The following DYNLRB1 variants were observed in gnomAD, a reference collection of about 807,000 sequenced individuals.
DYNLRB1 encodes dynein light chain roadblock-type 1.
In DYNLRB1, 6 loss-of-function variants were observed where a neutral mutation model predicts 13.5. That is an observed-to-expected ratio of 0.44 (90% CI 0.24 to 0.88). The LOEUF (loss-of-function observed/expected upper bound fraction) is 0.88. Among genes scored for constraint, DYNLRB1 ranks in the 40% least tolerant of loss-of-function variants. DYNLRB1 has a pLI of 0.21. For missense variants in DYNLRB1, 93 were observed against 127.2 expected (o/e 0.73, Z 1.29); for synonymous variants, 43 against 45.0 (o/e 0.96, Z 0.18).
At chr20:34,536,955 A>T (rs540124207) in intron 3 of DYNLRB1, among the ~76,000 whole-genome samples, 1 of 152,160 alleles carries the variant, frequency 6.6e-6, no homozygotes, top group African/African-American at 2.4e-5. Context: ...GGACAGTGTC[A>T]TCTGAAAGCT....
chr20:34,536,329 C>A, intron 3 of DYNLRB1: 1 of 985,358 alleles, frequency 1.0e-6, no homozygotes, highest in African/African-American at 1.7e-5. Flanking sequence ...TGTCCTGAGC[C>A]ACCCTGCCTG....
rs1044544489 is a variant in DYNLRB1 at position 34,540,781 on chromosome 20, A to G, written c.*157A>G. ...GGCTGGCGGCTCTTCTCCCCCACCA[A>G]CGGAACCCCTGTGTGCACCAACCTT... On this transcript the variant is annotated 3_prime_UTR_variant, in exon 4 of 4. Coordinates refer to ENST00000357156, the MANE Select transcript of DYNLRB1 (RefSeq NM_014183.4). The G allele has an allele frequency of 2.2e-5, 15 of 695,798 alleles. No homozygotes were observed. The highest frequency in any genetic ancestry group is 9.4e-5 in the Admixed American group (3 of 32,082). The allele number at this position is 695,798 out of a possible 1,614,324, so 43.1% of individuals were successfully genotyped here. A position where few individuals can be genotyped will look rare whatever the true frequency, so the allele number is the denominator to read the frequency against.
At chr20:34,529,955 A>C in intron 2 of DYNLRB1, 1 of 1,407,282 alleles carries the variant, frequency 7.1e-7, no homozygotes, top group South Asian at 1.5e-5. Context: ...TCCCCGCTTC[A>C]GCCCTCAACT....
intron 1 of DYNLRB1, among the ~76,000 whole-genome samples, chr20:34,524,881 G>A (rs1980063479): frequency 6.6e-6 from 1 of 151,970 alleles, no homozygotes; most frequent in Non-Finnish European, 1.5e-5. Flanking sequence ...CCGCCACTAC[G>A]CCCGGCTAAT....
chr20:34,522,906 C>T (rs1293320114), intron 1 of DYNLRB1, among the ~76,000 whole-genome samples: 1 of 152,150 alleles, frequency 6.6e-6, no homozygotes, highest in African/African-American at 2.4e-5. Flanking sequence ...AGGTTGATTT[C>T]GTGAAACATA....
At chr20:34,521,812 C>T (rs1979744265) in intron 1 of DYNLRB1, among the ~76,000 whole-genome samples, 1 of 152,086 alleles carries the variant, frequency 6.6e-6, no homozygotes, top group Non-Finnish European at 1.5e-5. Context: ...TTTGGGAGGC[C>T]AAGGCAGTAG....
At chr20:34,517,627 C>CT (rs60155819) in intron 1 of DYNLRB1, among the ~76,000 whole-genome samples, 44,149 of 120,414 alleles carry the variant, frequency 0.37, 9,562 homozygotes, top group Non-Finnish European at 0.46. Flanking sequence ...TTCATTATTT[C>CT]TTTTTTTTTT....
At chr20:34,536,367 A>G (rs192149486) in intron 3 of DYNLRB1, 3 of 985,308 alleles carry the variant, frequency 3.0e-6, no homozygotes, top group Admixed American at 6.1e-5. Context: ...GGGTTGGGGG[A>G]AAAAGCCTTG....
chr20:34,538,934 A>T (rs1414910720), intron 3 of DYNLRB1, among the ~76,000 whole-genome samples: 1 of 152,186 alleles, frequency 6.6e-6, no homozygotes, highest in East Asian at 1.9e-4. Flanking sequence ...CAAGCCCTTT[A>T]ACTCTCTGAG....
chr20:34,536,475 A>C (rs937475575), intron 3 of DYNLRB1: 2 of 985,280 alleles, frequency 2.0e-6, no homozygotes, highest in Admixed American at 1.2e-4. Context: ...GATGGAGCGC[A>C]GTGGCTCACG....
At chr20:34,539,931 C>T (rs1981448970) in intron 3 of DYNLRB1, among the ~76,000 whole-genome samples, 1 of 152,060 alleles carries the variant, frequency 6.6e-6, no homozygotes, top group Non-Finnish European at 1.5e-5. Flanking sequence ...GATCGCACCA[C>T]TGTACTCAGC....
At chr20:34,521,644 A>G (rs1600539730) in intron 1 of DYNLRB1, among the ~76,000 whole-genome samples, 1 of 151,944 alleles carries the variant, frequency 6.6e-6, no homozygotes, top group African/African-American at 2.4e-5. Context: ...TTGTTTTTCC[A>G]TGTGTCAGGA....
At chr20:34,516,617 A>C in intron 1 of DYNLRB1, 156 bp downstream of exon 1, 1 of 1,500,508 alleles carries the variant, frequency 6.7e-7, no homozygotes, top group South Asian at 1.3e-5. Flanking sequence ...TGAGGGTGGA[A>C]CCCGGCGGCG....
intron 3 of DYNLRB1, chr20:34,535,040 G>A: frequency 3.0e-6 from 4 of 1,340,814 alleles, no homozygotes; most frequent in Non-Finnish European, 3.8e-6. Flanking sequence ...TGAGCATCAT[G>A]TGTGTCTCCC....
chr20:34,533,095 G>T (rs1980838023), intron 2 of DYNLRB1, among the ~76,000 whole-genome samples: 1 of 152,256 alleles, frequency 6.6e-6, no homozygotes, highest in African/African-American at 2.4e-5. Flanking sequence ...GCCCAATCAT[G>T]ACCTGCGGTG....
At chr20:34,525,783 C>T (rs1179961559) in intron 1 of DYNLRB1, among the ~76,000 whole-genome samples, 5 of 152,186 alleles carry the variant, frequency 3.3e-5, no homozygotes. Flanking sequence ...CTTCTTACAG[C>T]TGAGTGCTGT....
chr20:34,537,831 A>C (rs372418446), intron 3 of DYNLRB1, among the ~76,000 whole-genome samples: 51 of 152,110 alleles, frequency 3.4e-4, no homozygotes, highest in African/African-American at 1.1e-3. Context: ...CCCGGGAGGG[A>C]GATCCATGCC....
chr20:34,529,397 A>G (rs962005507), intron 2 of DYNLRB1, among the ~76,000 whole-genome samples: 1 of 152,180 alleles, frequency 6.6e-6, no homozygotes, highest in Non-Finnish European at 1.5e-5. Context: ...GAAAGCCATC[A>G]AGGGCAACAA....
intron 3 of DYNLRB1, chr20:34,536,086 G>A: frequency 1.0e-6 from 1 of 985,442 alleles, no homozygotes; most frequent in Non-Finnish European, 1.2e-6. Flanking sequence ...CCCTAGAGGG[G>A]TGGGGACAGA....
Sources: gnomAD v4.1 joint callset for allele counts (sites outside exome capture counted in the v4.1 genomes callset) on GRCh38, gnomAD v4.1.1 for gene constraint, MANE v1.5 for transcripts, NCBI Gene and HGNC (gene_info 2026-07-23, HGNC 2026-07-21) for gene names.